Variants in FRMPD4 observed in about 807,000 individuals in gnomAD.
The protein encoded by FRMPD4 is FERM and PDZ domain containing 4.
Under a neutral mutation model 94.1 loss-of-function variants are expected in FRMPD4, and 22 were observed. The ratio of observed to expected loss-of-function variants is 0.23; its 90% CI spans 0.17 to 0.33. The LOEUF is 0.33. Ranked by LOEUF, FRMPD4 falls within the 10% of genes least tolerant of loss-of-function variation. FRMPD4 has a pLI of 1.00. For missense variants in FRMPD4, 1,111 were observed against 1,339.9 expected (o/e 0.83, Z 2.67); for synonymous variants, 631 against 548.6 (o/e 1.15, Z -2.10).
chrX:11,946,161 A>G (rs2054187862), intron 3 of FRMPD4, among the ~76,000 whole-genome samples: 1 of 112,032 alleles, frequency 8.9e-6, no homozygotes, highest in South Asian at 3.8e-4. Context: ...TAAGACCTGA[A>G]TCTAACCCAT....
At chrX:12,610,167 C>T (rs2059167631) in intron 3 of FRMPD4, among the ~76,000 whole-genome samples, 1 of 111,539 alleles carries the variant, frequency 9.0e-6, no homozygotes, top group African/African-American at 3.3e-5. Flanking sequence ...AGAGGCAGGC[C>T]CTGTACTGTA....
rs190566776 is a variant in FRMPD4, at chrX:12,495,120, C to T, written c.42-3560C>T. 7.4e-5 allele frequency: 20 copies of T among 270,588 alleles called. No individual in the cohort carries two copies. The East Asian group carries it at 4.1e-3, about 56-fold the overall frequency. The allele number at this position is 270,588 out of a possible 1,213,427, so 22.3% of individuals were successfully genotyped here. A position where few individuals can be genotyped will look rare whatever the true frequency, so the allele number is the denominator to read the frequency against. The stretch of plus-strand genomic sequence containing the variant: ...CCGCCTTGAGAATGGCTGAACTCAT[C>T]ACCTTCTGACATTCTGGGAAGGTGT... On this transcript the variant is annotated intron_variant, in intron 1 of 16. Transcript: ENST00000675598.
chrX:12,274,266 C>G (rs1458986881), intron 1 of FRMPD4, among the ~76,000 whole-genome samples: 2 of 111,591 alleles, frequency 1.8e-5, no homozygotes, highest in East Asian at 5.6e-4. Flanking sequence ...AAGAAACCCT[C>G]TTAGGGAAGA....
chrX:12,323,076 C>T lies in FRMPD4; in HGVS notation c.42-175604C>T, dbSNP rs2055234110. Among the ~76,000 whole-genome samples the T allele has an allele frequency of 2.7e-5, 3 of 111,558 alleles. No homozygotes were observed. In the South Asian group the frequency reaches 1.2e-3, roughly 43 times the overall value. On this transcript the variant is annotated intron_variant, in intron 1 of 16. Coordinates refer to ENST00000675598, the MANE Select transcript of FRMPD4 (RefSeq NM_001368397.1). Reference sequence around the variant, plus strand: ...GGTATTTATTTCTGAGTATGGGTCACAGTCACTATTTTACCTTCAAAGGCC... The same window carrying T: ...GGTATTTATTTCTGAGTATGGGTCATAGTCACTATTTTACCTTCAAAGGCC...
intron 2 of FRMPD4, among the ~76,000 whole-genome samples, chrX:12,585,345 T>C (rs192542629): frequency 9.3e-4 from 102 of 109,657 alleles, no homozygotes; most frequent in South Asian, 1.6e-3. Context: ...CTCAGCCTCC[T>C]GAGTAGCTGG....
At chrX:12,235,227 G>A (rs756765454) in intron 1 of FRMPD4, among the ~76,000 whole-genome samples, 14 of 111,941 alleles carry the variant, frequency 1.3e-4, no homozygotes, top group South Asian at 3.8e-4. Context: ...CGTCCCTTCT[G>A]GGGGAGATGT....
At chrX:11,948,228 C>A (rs1234836532) in intron 3 of FRMPD4, among the ~76,000 whole-genome samples, 2 of 111,115 alleles carry the variant, frequency 1.8e-5, no homozygotes, top group Admixed American at 1.9e-4. Context: ...TGCCTCCCTC[C>A]CCTAATTCAG....
chrX:12,694,124 C>T (rs1255351997), intron 8 of FRMPD4, among the ~76,000 whole-genome samples: 3 of 112,080 alleles, frequency 2.7e-5, no homozygotes, highest in African/African-American at 9.7e-5. Context: ...GTCCCTTGCA[C>T]ACAACCCCTC....
chrX:12,276,373 C>CATCA (rs1297538869), intron 1 of FRMPD4, among the ~76,000 whole-genome samples: 1 of 112,164 alleles, frequency 8.9e-6, no homozygotes, highest in African/African-American at 3.2e-5. Context: ...AAACATAAGG[C>CATCA]ATCAATCAAT....
intron 1 of FRMPD4, among the ~76,000 whole-genome samples, chrX:12,149,495 A>G (rs191448982): frequency 8.9e-6 from 1 of 112,089 alleles, no homozygotes; most frequent in East Asian, 2.8e-4. Context: ...GGAAATAGCA[A>G]GAGAGCTAGA....
At chrX:12,019,504 C>A (rs745413957) in intron 3 of FRMPD4, among the ~76,000 whole-genome samples, 1 of 110,396 alleles carries the variant, frequency 9.1e-6, no homozygotes, top group Non-Finnish European at 1.9e-5. Context: ...TGGTTAGTAC[C>A]TTCTGTTACT....
intron 1 of FRMPD4, among the ~76,000 whole-genome samples, chrX:12,358,372 G>C (rs1270358383): frequency 9.0e-6 from 1 of 111,237 alleles, no homozygotes; most frequent in African/African-American, 3.3e-5. Flanking sequence ...AGGGCTCTTG[G>C]ATGCTTAAGT....
At chrX:12,535,729 A>G (rs2058332331) in intron 2 of FRMPD4, among the ~76,000 whole-genome samples, 1 of 111,860 alleles carries the variant, frequency 8.9e-6, no homozygotes, top group South Asian at 3.7e-4. Flanking sequence ...AGTCACACCC[A>G]TTTGTTTACA....
At chrX:12,237,239 C>T (rs972197567) in intron 1 of FRMPD4, among the ~76,000 whole-genome samples, 1 of 105,587 alleles carries the variant, frequency 9.5e-6, no homozygotes, top group East Asian at 3.5e-4. Flanking sequence ...TTGTATACAT[C>T]TAAGTACAGA....
At chrX:12,167,726 T>C (rs930024574) in intron 1 of FRMPD4, among the ~76,000 whole-genome samples, 1 of 111,966 alleles carries the variant, frequency 8.9e-6, no homozygotes, top group Non-Finnish European at 1.9e-5. Context: ...ATAATGGACT[T>C]TCCGGCTACA....
At chrX:12,412,566 A>C (rs2056747738) in intron 1 of FRMPD4, among the ~76,000 whole-genome samples, 1 of 112,540 alleles carries the variant, frequency 8.9e-6, no homozygotes, top group Non-Finnish European at 1.9e-5. Flanking sequence ...TAAGATAATC[A>C]CTTCTGGATA....
intron 3 of FRMPD4, among the ~76,000 whole-genome samples, chrX:11,978,772 T>C (rs1175075289): frequency 8.9e-6 from 1 of 111,838 alleles, no homozygotes; most frequent in African/African-American, 3.3e-5. Flanking sequence ...AAAGAACATC[T>C]TTTAAGATCT....
In FRMPD4 at chrX:12,277,949, T is replaced by C. The variant is rs186150854; in HGVS notation, c.41+138937T>C. Among the ~76,000 whole-genome samples, 559 of 112,258 alleles carry C rather than the reference T, an allele frequency of 5.0e-3. 4 individuals carry two copies. Among genetic ancestry groups the C allele is most frequent in the African/African-American group, 0.017 (521 of 30,895 alleles). ...TGATTTCTGAATTTCTAGTATGTCA[T>C]TTCATGTTTTAGTTGCCCTCACCTA... On this transcript the variant is annotated intron_variant, in intron 1 of 16. Coordinates refer to ENST00000675598, the MANE Select transcript of FRMPD4 (RefSeq NM_001368397.1).
chrX:12,227,839 G>A (rs1272296144), intron 1 of FRMPD4, among the ~76,000 whole-genome samples: 2 of 109,893 alleles, frequency 1.8e-5, no homozygotes, highest in African/African-American at 6.6e-5. Flanking sequence ...GAGAGAGAGA[G>A]AGAGAGAGAG....
Sources: gnomAD v4.1 joint callset for allele counts (sites outside exome capture counted in the v4.1 genomes callset) on GRCh38, gnomAD v4.1.1 for gene constraint, MANE v1.5 for transcripts, NCBI Gene and HGNC (gene_info 2026-07-23, HGNC 2026-07-21) for gene names.